Variants in PHLDB1 observed in about 807,000 individuals in gnomAD.
PHLDB1 encodes the protein pleckstrin homology-like domain family B member 1.
PHLDB1 carries 65 observed loss-of-function variants against 139.3 expected under a neutral mutation model. The ratio of observed to expected loss-of-function variants is 0.47; its 90% CI spans 0.38 to 0.57. The LOEUF (loss-of-function observed/expected upper bound fraction) is 0.57, where lower values mean the gene tolerates loss of function less well. Among genes scored for constraint, PHLDB1 ranks in the 20% least tolerant of loss-of-function variants. PHLDB1 has a pLI of 0.00. For missense variants in PHLDB1, 1,624 were observed against 1,839.7 expected, an observed-to-expected ratio of 0.88 and a Z score of 2.14; for synonymous variants, 679 against 734.5, an observed-to-expected ratio of 0.92 and a Z score of 1.22.
intron 4 of PHLDB1, among the ~76,000 whole-genome samples, chr11:118,621,162 T>A (rs1942691219): frequency 6.6e-6 from 1 of 152,138 alleles, no homozygotes; most frequent in Non-Finnish European, 1.5e-5. Context: ...CACCTTTCCT[T>A]CACTCAGTCA....
chr11:118,650,282 A>G lies in PHLDB1; in HGVS notation c.3771+89A>G. Reference sequence around the variant, plus strand: ...CCTGGGTCGTTGGAATAGTGGCGTCAGTCTCTACCCTCACCTAACCAGATC... The same window carrying G: ...CCTGGGTCGTTGGAATAGTGGCGTCGGTCTCTACCCTCACCTAACCAGATC... On this transcript the variant is annotated intron_variant, in intron 19 of 22. Transcript: ENST00000600882. The surrounding 1 kb of genome is among the most constrained non-coding windows in gnomAD (Gnocchi z 4.7). The G allele has an allele frequency of 9.2e-7, 1 of 1,082,878 alleles. No individual in the cohort carries two copies. The highest frequency in any genetic ancestry group is 1.4e-6 in the Non-Finnish European group (1 of 697,774). 67.1% of individuals were successfully genotyped at this position (1,082,878 alleles called of 1,614,324 possible). A position where few individuals can be genotyped will look rare whatever the true frequency, so the allele number is the denominator to read the frequency against.
Position 118,628,372 on chromosome 11 carries a change from C to T in PHLDB1, c.1549C>T (p.Arg517Trp), listed in dbSNP as rs782449802. The T allele has an allele frequency of 1.7e-5, 27 of 1,610,754 alleles. No individual in the cohort carries two copies. The highest frequency in any genetic ancestry group is 4.0e-5 in the African/African-American group (3 of 74,800). The change falls in exon 6 of 23, where the codon CGG becomes TGG. Residue 517 changes from arginine (R) to tryptophan (W), a missense_variant. By Grantham distance (101) the Arg-to-Trp change is moderately radical (BLOSUM62 -3). Transcript: ENST00000600882. ...LTLGARGRRT[R>W]SPSPTLGESL... ...GCTGGGGGCACGGGGCCGTAGGACACGGAGCCCCTCACCCACACTGGGTGA... is the reference window on the plus strand; with the variant it reads ...GCTGGGGGCACGGGGCCGTAGGACATGGAGCCCCTCACCCACACTGGGTGA...
intron 13 of PHLDB1, 112 bp downstream of exon 13, chr11:118,642,506 G>A: frequency 1.5e-6 from 2 of 1,300,252 alleles, no homozygotes; most frequent in South Asian, 1.4e-5. Flanking sequence ...CGTCAGCCCA[G>A]TCAGGGCAAT....
chr11:118,626,641 A>G (rs562789247), intron 5 of PHLDB1, among the ~76,000 whole-genome samples: 55 of 149,100 alleles, frequency 3.7e-4, no homozygotes, highest in Admixed American at 1.9e-3. Context: ...TTTCGGCTTC[A>G]CAAAGTGCTG....
At chr11:118,613,970 C>A in intron 2 of PHLDB1, 74 bp downstream of exon 2, 2 of 962,490 alleles carry the variant, frequency 2.1e-6, no homozygotes, top group Non-Finnish European at 3.3e-6. Flanking sequence ...CCCTTGTGGT[C>A]CCAGCCCAAG....
Position 118,645,055 on chromosome 11 carries a change from C to A in PHLDB1, c.3122-301C>A. The A allele has an allele frequency of 2.7e-6, 1 of 375,972 alleles. No individual in the cohort carries two copies. The highest frequency in any genetic ancestry group is 4.8e-6 in the Non-Finnish European group (1 of 210,494). The allele number at this position is 375,972 out of a possible 1,614,324, so 23.3% of individuals were successfully genotyped here. A position where few individuals can be genotyped will look rare whatever the true frequency, so the allele number is the denominator to read the frequency against. On this transcript the variant is annotated intron_variant, in intron 15 of 22. Coordinates refer to ENST00000600882, the MANE Select transcript of PHLDB1 (RefSeq NM_001144758.3). This position sits in a 1 kb window ranked among gnomAD's most constrained non-coding sequence, Gnocchi z 5.1. ...CTTAGGCCTTGGTTGTGAGCTGGAG[C>A]CAACTGGCTGTCGTGCTGCCCCAGC...
rs1368182352 is a variant in PHLDB1 at position 118,632,511 on chromosome 11, CCT to C, written c.2379+218_2379+219del. 3.3e-6 allele frequency: 2 copies of C among 607,914 alleles called. No homozygotes were observed. Among genetic ancestry groups the C allele is most frequent in the African/African-American group, 3.7e-5 (2 of 53,988 alleles). The allele number at this position is 607,914 out of a possible 1,614,324, so 37.7% of individuals were successfully genotyped here. On this transcript the variant is annotated intron_variant, in intron 9 of 22. Transcript: ENST00000600882. This position sits in a 1 kb window ranked among gnomAD's most constrained non-coding sequence, Gnocchi z 5.9. ...GGGGCTGGGCTGGTGTCTGGGGTCTCCTCTGTCTGGGTCTGTGTGCTACCTCT... is the reference window on the plus strand; with the variant it reads ...GGGGCTGGGCTGGTGTCTGGGGTCTCCTGTCTGGGTCTGTGTGCTACCTCT...
rs543203411 is a variant in PHLDB1 at position 118,615,353 on chromosome 11, G to A, written c.184+671G>A. 2.6e-5 allele frequency among the ~76,000 whole-genome samples: 4 copies of A among 152,220 alleles called. No homozygotes were observed. In the East Asian group the frequency reaches 7.7e-4, roughly 29 times the overall value. ...TTGCATGGGAGGGTATACCATAGAT[G>A]GAGAATGGAGAGATGGGAGTCAGGG... On this transcript the variant is annotated intron_variant, in intron 3 of 22. Transcript: ENST00000600882.
chr11:118,627,218 C>A, intron 5 of PHLDB1, 87 bp from the exon 6 acceptor site: 1 of 1,329,224 alleles, frequency 7.5e-7, no homozygotes, highest in Non-Finnish European at 1.1e-6. Context: ...TTGTTAGCCT[C>A]ACTGTGCTAG....
chr11:118,646,501 G>A (rs1012943884), intron 17 of PHLDB1: 1 of 152,374 alleles, frequency 6.6e-6, no homozygotes, highest in Non-Finnish European at 1.5e-5. Flanking sequence ...TCTTGGGGCT[G>A]ATTAGGAAAA....
intron 14 of PHLDB1, 50 bp downstream of exon 14, chr11:118,643,990 C>T: frequency 1.9e-6 from 3 of 1,595,310 alleles, no homozygotes; most frequent in Non-Finnish European, 2.6e-6. Context: ...ATGGAGACTT[C>T]CACCCTGGGG....
At chr11:118,635,085 C>A in intron 9 of PHLDB1, 1 of 525,994 alleles carries the variant, frequency 1.9e-6, no homozygotes. Flanking sequence ...CCCGGCCCCG[C>A]GGGCCACGCC....
chr11:118,607,951 G>A (rs1190578226), intron 1 of PHLDB1, among the ~76,000 whole-genome samples: 1 of 152,070 alleles, frequency 6.6e-6, no homozygotes, highest in African/African-American at 2.4e-5. Flanking sequence ...CGCCAGAGGG[G>A]GCCGTGACGC....
At chr11:118,642,540 G>A (rs782609506) in intron 13 of PHLDB1, 146 bp downstream of exon 13, 10 of 955,992 alleles carry the variant, frequency 1.0e-5, no homozygotes, top group African/African-American at 5.0e-5. Context: ...GGCCCTGAGA[G>A]GGTCACTCCT....
In PHLDB1 at chr11:118,643,929, C is replaced by T. The variant is rs1947013624; in HGVS notation, c.3007C>T (p.Pro1003Ser). The T allele has an allele frequency of 6.2e-7, 1 of 1,600,454 alleles. No individual in the cohort carries two copies. Among genetic ancestry groups the T allele is most frequent in the Non-Finnish European group, 8.5e-7 (1 of 1,173,576 alleles). ...QLSVATLGRSPSPKSALLTQN... is the reference protein window; with the variant it reads ...QLSVATLGRSSSPKSALLTQN... ...CAGCGTGGCTACCCTGGGGCGTAGC[C>T]CCTCCCCAAAGGTCTGAGGACAGTG... Residue 1003 changes from proline to serine, a missense_variant, in exon 14 of 23, where the codon CCC (proline) becomes TCC (serine). Transcript: ENST00000600882.
In PHLDB1 at chr11:118,627,686, G is replaced by A. The variant is rs564595248; in HGVS notation, c.863G>A (p.Arg288His). The part of the protein sequence containing the change: ...GPSVPPLVPA[R>H]SSSYHLALQP... ...TCTGTGCCCCCGCTGGTACCTGCCC[G>A]TTCCTCCAGCTACCATCTGGCCCTA... Residue 288 changes from arginine (R) to histidine (H), a missense_variant, in exon 6 of 23, where the codon CGT becomes CAT. Arg to His is a conservative substitution (Grantham distance 29). Coordinates refer to ENST00000600882, the MANE Select transcript of PHLDB1 (RefSeq NM_001144758.3). 40 of 1,610,682 alleles carry A rather than the reference G, an allele frequency of 2.5e-5. No homozygotes were observed. Among genetic ancestry groups the A allele is most frequent in the Admixed American group, 1.5e-4 (9 of 60,024 alleles).
chr11:118,638,756 G>A (rs971608082), intron 10 of PHLDB1, 135 bp from the exon 11 acceptor site: 1 of 667,760 alleles, frequency 1.5e-6, no homozygotes. Context: ...CTTAGGGTGA[G>A]TTGAGGCCAA....
rs1413972468 is a variant in PHLDB1, at chr11:118,632,003, A to C, written c.2191A>C (p.Lys731Gln). ...GGTGCTGGGGCACGTGGAGCAGCTCAAGGTCCGTGTGAAGGAGCTAGAGCA... is the reference window on the plus strand; with the variant it reads ...GGTGCTGGGGCACGTGGAGCAGCTCCAGGTCCGTGTGAAGGAGCTAGAGCA... Reference protein sequence around the residue: ...AQVLGHVEQLKVRVKELEQQL... With the variant: ...AQVLGHVEQLQVRVKELEQQL... Residue 731 changes from lysine to glutamine, a missense_variant, in exon 8 of 23, where the codon AAG becomes CAG. Coordinates refer to ENST00000600882, the MANE Select transcript of PHLDB1 (RefSeq NM_001144758.3). The surrounding 1 kb of genome is among the most constrained non-coding windows in gnomAD (Gnocchi z 5.9). 3 of 1,614,032 alleles carry C rather than the reference A, an allele frequency of 1.9e-6. No individual in the cohort carries two copies. The highest frequency in any genetic ancestry group is 2.5e-6 in the Non-Finnish European group (3 of 1,179,994).
chr11:118,610,485 C>A lies in PHLDB1; in HGVS notation c.-22+2786C>A. 1.0e-6 allele frequency: 1 copy of A among 984,570 alleles called. No individual in the cohort carries two copies. Among genetic ancestry groups the A allele is most frequent in the Non-Finnish European group, 1.2e-6 (1 of 829,128 alleles). 61.0% of individuals were successfully genotyped at this position (984,570 alleles called of 1,614,324 possible). On this transcript the variant is annotated intron_variant, in intron 1 of 22. Transcript: ENST00000600882. This position sits in a 1 kb window ranked among gnomAD's most constrained non-coding sequence, Gnocchi z 8.7. ...TGGCGGGCCTCTGGCCACAGCCATG[C>A]ACCGCTTGGGCCGAGGCCGAGGCCG...
Sources: gnomAD v4.1 joint callset for allele counts (sites outside exome capture counted in the v4.1 genomes callset) on GRCh38, gnomAD v4.1.1 for gene constraint, Gnocchi (gnomAD v3.1) non-coding constraint, MANE v1.5 for transcripts, NCBI Gene and HGNC (gene_info 2026-07-23, HGNC 2026-07-21) for gene names.